The following LOC128092253 variants were observed in gnomAD, a reference collection of about 807,000 sequenced individuals.
chr6:133,970,342 G>A, the LOC128092253 span, among the ~76,000 whole-genome samples: 1 of 152,050 alleles, frequency 6.6e-6, no homozygotes, highest in African/African-American at 2.4e-5. Flanking sequence ...GATAAATTCT[G>A]GATACTGTAG....
the LOC128092253 span, among the ~76,000 whole-genome samples, chr6:133,966,350 TG>T: frequency 6.6e-6 from 1 of 152,190 alleles, no homozygotes; most frequent in East Asian, 1.9e-4. Context: ...GATATAAGTA[TG>T]TATAGTAACA....
chr6:133,977,501 G>C, the LOC128092253 span, among the ~76,000 whole-genome samples: 11 of 152,094 alleles, frequency 7.2e-5, no homozygotes, highest in African/African-American at 2.7e-4. Flanking sequence ...AGTAAATTCA[G>C]AGTAGAGTAG....
At chr6:133,966,568 C>T in the LOC128092253 span, among the ~76,000 whole-genome samples, 1 of 152,194 alleles carries the variant, frequency 6.6e-6, no homozygotes, top group African/African-American at 2.4e-5. Flanking sequence ...CGTATCTCCT[C>T]TTGGATGTCT....
the LOC128092253 span, among the ~76,000 whole-genome samples, chr6:133,976,739 C>G: frequency 8.6e-5 from 13 of 152,010 alleles, no homozygotes; most frequent in African/African-American, 2.4e-4. Flanking sequence ...CCTGTAATCC[C>G]AGCACTTTGG....
At chr6:133,980,071 T>C in the LOC128092253 span, 1 of 1,400,816 alleles carries the variant, frequency 7.1e-7, no homozygotes, top group Non-Finnish European at 9.3e-7. Flanking sequence ...TTATTTTGTT[T>C]TATTTCTCAG....
At chr6:133,972,073 G>A in the LOC128092253 span, among the ~76,000 whole-genome samples, 1 of 152,100 alleles carries the variant, frequency 6.6e-6, no homozygotes, top group Admixed American at 6.6e-5. Context: ...TTTGTTTGGT[G>A]GCAAGATTCC....
the LOC128092253 span, chr6:133,980,077 C>A: frequency 7.1e-7 from 1 of 1,413,758 alleles, no homozygotes; most frequent in Non-Finnish European, 9.3e-7. Context: ...TGTTTTATTT[C>A]TCAGGATGTG....
the LOC128092253 span, among the ~76,000 whole-genome samples, chr6:133,969,745 T>G: frequency 1.3e-5 from 2 of 152,216 alleles, no homozygotes; most frequent in Non-Finnish European, 2.9e-5. Flanking sequence ...GGTTTTCAAC[T>G]GTTAGACCTT....
chr6:133,979,526 C>G, the LOC128092253 span, among the ~76,000 whole-genome samples: 3,066 of 152,206 alleles, frequency 0.02, 38 homozygotes, highest in African/African-American at 0.035. Context: ...TGGCAAGCTC[C>G]TGTCAAGTAA....
the LOC128092253 span, among the ~76,000 whole-genome samples, chr6:133,965,327 C>T: frequency 1.8e-4 from 28 of 152,122 alleles, no homozygotes; most frequent in Non-Finnish European, 3.4e-4. Context: ...CTCAAGAAAA[C>T]AAATACCTTA....
At chr6:133,974,191 C>G in the LOC128092253 span, among the ~76,000 whole-genome samples, 3 of 152,118 alleles carry the variant, frequency 2.0e-5, no homozygotes, top group Non-Finnish European at 4.4e-5. Context: ...CTACATCTGT[C>G]TAGCTTTATA....
chr6:133,975,539 C>T, the LOC128092253 span, among the ~76,000 whole-genome samples: 3 of 152,090 alleles, frequency 2.0e-5, no homozygotes, highest in Admixed American at 6.5e-5. Flanking sequence ...AATAAGCCAC[C>T]TTAAATTGTC....
At chr6:133,971,582 T>G in the LOC128092253 span, among the ~76,000 whole-genome samples, 655 of 22,564 alleles carry the variant, frequency 0.029, 24 homozygotes, top group Admixed American at 0.15. Context: ...TACATAGGTG[T>G]TGTTGTTGTT....
chr6:133,956,882 A>C, the LOC128092253 span, among the ~76,000 whole-genome samples: 2 of 152,242 alleles, frequency 1.3e-5, no homozygotes, highest in African/African-American at 4.8e-5. Flanking sequence ...GGGAAATTTC[A>C]AAAGGATGAG....
the LOC128092253 span, among the ~76,000 whole-genome samples, chr6:133,964,573 C>T: frequency 6.6e-6 from 1 of 150,928 alleles, no homozygotes; most frequent in African/African-American, 2.4e-5. Context: ...GCCTCAGCCT[C>T]CGAGTAGCTG....
At chr6:133,961,747 A>G in the LOC128092253 span, among the ~76,000 whole-genome samples, 1 of 152,114 alleles carries the variant, frequency 6.6e-6, no homozygotes, top group South Asian at 2.1e-4. Context: ...TACAGGTGTG[A>G]CCCACCGCAC....
chr6:133,968,872 G>C, the LOC128092253 span: 1 of 152,168 alleles, frequency 6.6e-6, no homozygotes, highest in Non-Finnish European at 1.5e-5. Flanking sequence ...GTTTCACCAG[G>C]CTGGTCTCCA....
At chr6:133,957,278 T>C in the LOC128092253 span, among the ~76,000 whole-genome samples, 1 of 152,226 alleles carries the variant, frequency 6.6e-6, no homozygotes, top group African/African-American at 2.4e-5. Context: ...CACAGAAGTT[T>C]GGCTGTTGGT....
At chr6:133,965,839 A>T in the LOC128092253 span, among the ~76,000 whole-genome samples, 1 of 152,220 alleles carries the variant, frequency 6.6e-6, no homozygotes, top group Non-Finnish European at 1.5e-5. Flanking sequence ...AATAATAGTA[A>T]CAATAAGAAC....
Sources: allele counts gnomAD v4.1 joint callset (sites outside exome capture counted in the v4.1 genomes callset), GRCh38; gene constraint gnomAD v4.1.1; transcripts MANE v1.5.